The following RBFOX1 variants were observed in gnomAD, a reference collection of about 807,000 sequenced individuals.
RBFOX1 encodes RNA binding protein fox-1 homolog 1.
A neutral mutation model predicts 57.7 loss-of-function variants in RBFOX1; 8 were observed. The ratio of observed to expected loss-of-function variants is 0.14; its 90% CI spans 0.08 to 0.25. The LOEUF is 0.25. Ranked by LOEUF, RBFOX1 falls within the 10% of genes least tolerant of loss-of-function variation. The pLI is 1.00. For synonymous variants in RBFOX1, 326 were observed against 222.4 expected (o/e 1.47, Z -4.15); for missense variants, 611 against 548.5 (o/e 1.11, Z -1.14).
At chr16:7,361,530 G>A (rs895819517) in intron 4 of RBFOX1, among the ~76,000 whole-genome samples, 1 of 152,198 alleles carries the variant, frequency 6.6e-6, no homozygotes, top group African/African-American at 2.4e-5. Context: ...TAGACCAGGT[G>A]AGTCCGAAGG....
At chr16:5,302,770 T>C (rs1055472060) in intron 1 of RBFOX1, among the ~76,000 whole-genome samples, 1 of 152,228 alleles carries the variant, frequency 6.6e-6, no homozygotes, top group Non-Finnish European at 1.5e-5. Flanking sequence ...AGTGTTTGCA[T>C]GGTATCTAAA....
intron 6 of RBFOX1, among the ~76,000 whole-genome samples, chr16:7,583,993 T>G (rs6500988): frequency 1.3e-5 from 2 of 152,038 alleles, no homozygotes; most frequent in Admixed American, 6.5e-5. Context: ...CCTGTACTTA[T>G]GACGTTAATG....
At chr16:6,517,468 T>C (rs1176486999) in intron 2 of RBFOX1, among the ~76,000 whole-genome samples, 1 of 152,166 alleles carries the variant, frequency 6.6e-6, no homozygotes, top group Non-Finnish European at 1.5e-5. Flanking sequence ...TTCCCATTTC[T>C]GATACCAGTG....
At chr16:6,898,777 CTG>C (rs2067631953) in intron 3 of RBFOX1, among the ~76,000 whole-genome samples, 1 of 151,556 alleles carries the variant, frequency 6.6e-6, no homozygotes, top group South Asian at 2.1e-4. Context: ...GCACATGCAT[CTG>C]TGTGTATGCA....
intron 4 of RBFOX1, among the ~76,000 whole-genome samples, chr16:7,225,024 TCTC>T (rs2093003780): frequency 1.3e-5 from 2 of 152,156 alleles, no homozygotes; most frequent in South Asian, 2.1e-4. Context: ...GTGACATACT[TCTC>T]CTTAAGTTGT....
intron 3 of RBFOX1, among the ~76,000 whole-genome samples, chr16:6,678,112 A>T (rs543790589): frequency 6.6e-6 from 1 of 152,228 alleles, no homozygotes; most frequent in African/African-American, 2.4e-5. Context: ...TTAAATTAAA[A>T]GTTTTGTTTT....
chr16:5,661,025 G>A (rs2049630672), intron 3 of RBFOX1, among the ~76,000 whole-genome samples: 2 of 152,138 alleles, frequency 1.3e-5, no homozygotes, highest in South Asian at 4.1e-4. Flanking sequence ...TGCTGGGGCT[G>A]GGAGTGCTAA....
At chr16:6,988,373 T>C (rs538966325) in intron 3 of RBFOX1, among the ~76,000 whole-genome samples, 9 of 152,290 alleles carry the variant, frequency 5.9e-5, no homozygotes, top group African/African-American at 2.2e-4. Context: ...TGTTTACTTA[T>C]GGTTATTGAG....
At chr16:6,308,669 G>C (rs1419095473) in intron 1 of RBFOX1, among the ~76,000 whole-genome samples, 1 of 152,122 alleles carries the variant, frequency 6.6e-6, no homozygotes, top group Non-Finnish European at 1.5e-5. Context: ...GAAATGCATT[G>C]GTGTCACGTT....
In RBFOX1 at chr16:7,285,118, T is replaced by C. The variant is rs369376407; in HGVS notation, c.27+233020T>C. ...TTTTTTTTTTTTTAGCAACCTGTTCTTATCCTTTATAGCATTTACCACAAT... is the reference window on the plus strand; with the variant it reads ...TTTTTTTTTTTTTAGCAACCTGTTCCTATCCTTTATAGCATTTACCACAAT... On this transcript the variant is annotated intron_variant, in intron 4 of 15. Transcript: ENST00000550418. 5.3e-4 allele frequency among the ~76,000 whole-genome samples: 79 copies of C among 148,436 alleles called. No individual in the cohort carries two copies. In the South Asian group the frequency reaches 6.4e-3, roughly 12 times the overall value.
chr16:7,353,533 T>C (rs995866142), intron 4 of RBFOX1, among the ~76,000 whole-genome samples: 2 of 152,216 alleles, frequency 1.3e-5, no homozygotes, highest in African/African-American at 4.8e-5. Flanking sequence ...GCATTATTCA[T>C]AGTAACCAAA....
At chr16:5,358,530 A>C (rs1341148235) in intron 1 of RBFOX1, among the ~76,000 whole-genome samples, 2 of 152,166 alleles carry the variant, frequency 1.3e-5, no homozygotes, top group Non-Finnish European at 2.9e-5. Flanking sequence ...CCCCTCAAAC[A>C]TTTATCCTTT....
At chr16:5,721,455 T>A (rs1308124455) in intron 3 of RBFOX1, among the ~76,000 whole-genome samples, 1 of 152,200 alleles carries the variant, frequency 6.6e-6, no homozygotes, top group Non-Finnish European at 1.5e-5. Context: ...GGATGCCTTT[T>A]TTTCTTGTTC....
At chr16:6,843,140 A>G (rs2093578302) in intron 3 of RBFOX1, among the ~76,000 whole-genome samples, 1 of 152,146 alleles carries the variant, frequency 6.6e-6, no homozygotes, top group Non-Finnish European at 1.5e-5. Context: ...TCAAAACATA[A>G]CACATTTTAA....
In RBFOX1 at chr16:7,508,692, A is replaced by T. The variant is rs183120137; in HGVS notation, c.28-9455A>T. ...CCTTGTAGAGCTGGGAATTAAAAAG[A>T]AAAACCTCGCCCAGGGGCCACCTGA... On this transcript the variant is annotated intron_variant, in intron 4 of 15. Coordinates refer to ENST00000550418, the MANE Select transcript of RBFOX1 (RefSeq NM_018723.4). 5.3e-5 allele frequency among the ~76,000 whole-genome samples: 8 copies of T among 152,300 alleles called. No individual in the cohort carries two copies. In the East Asian group the frequency reaches 1.5e-3, roughly 29 times the overall value.
intron 3 of RBFOX1, among the ~76,000 whole-genome samples, chr16:5,784,892 C>T (rs969783813): frequency 8.5e-5 from 13 of 152,132 alleles, no homozygotes; most frequent in African/African-American, 2.9e-4. Flanking sequence ...CTTGGATTTC[C>T]AGCCTCAGAG....
At chr16:7,270,024 A>T (rs2095278818) in intron 4 of RBFOX1, among the ~76,000 whole-genome samples, 1 of 152,194 alleles carries the variant, frequency 6.6e-6, no homozygotes, top group Non-Finnish European at 1.5e-5. Context: ...GCCAAGAGTA[A>T]ACACATATCA....
At chr16:6,826,040 G>A (rs950062870) in intron 3 of RBFOX1, among the ~76,000 whole-genome samples, 5 of 152,146 alleles carry the variant, frequency 3.3e-5, no homozygotes, top group African/African-American at 1.2e-4. Flanking sequence ...GATGTGCAGA[G>A]GTGGTCCACG....
intron 6 of RBFOX1, among the ~76,000 whole-genome samples, chr16:7,586,764 G>A (rs1369101023): frequency 6.6e-6 from 1 of 152,174 alleles, no homozygotes; most frequent in African/African-American, 2.4e-5. Flanking sequence ...GTTTGCTTCT[G>A]TGTTTGTACT....
Sources: allele counts gnomAD v4.1 joint callset (sites outside exome capture counted in the v4.1 genomes callset), GRCh38; gene constraint gnomAD v4.1.1; transcripts MANE v1.5; gene names NCBI Gene and HGNC (gene_info 2026-07-23, HGNC 2026-07-21).